The following RRAGD variants were observed in gnomAD, a reference collection of about 807,000 sequenced individuals.
The protein encoded by RRAGD is Ras related GTP binding D, also known as ras-related GTP-binding protein D.
RRAGD carries 12 observed loss-of-function variants against 35.5 expected under a neutral mutation model. That is an observed-to-expected ratio of 0.34 (90% CI 0.22 to 0.55). RRAGD has a LOEUF of 0.55. Ranked by LOEUF, RRAGD falls within the 20% of genes least tolerant of loss-of-function variation. The pLI is 0.91. For missense variants in RRAGD, 324 were observed against 490.1 expected (o/e 0.66, Z 3.20); for synonymous variants, 155 against 178.9 (o/e 0.87, Z 1.07).
In RRAGD at chr6:89,405,151, T is replaced by C. The variant is rs113463670; in HGVS notation, c.148+6695A>G. ...GGATCACGAGGTCAGGAGATCGAGA[T>C]CATCCTGGCTAACACGGTGAAAACC... On this transcript the variant is annotated intron_variant, in intron 1 of 6. Transcript: ENST00000369415. Among the ~76,000 whole-genome samples, 380 of 151,670 alleles carry C rather than the reference T, an allele frequency of 2.5e-3. 1 individual carries two copies. The highest frequency in any genetic ancestry group is 8.6e-3 in the African/African-American group (354 of 41,354).
intron 1 of RRAGD, among the ~76,000 whole-genome samples, chr6:89,407,366 G>A (rs756233416): frequency 8.5e-5 from 13 of 152,180 alleles, no homozygotes; most frequent in South Asian, 2.1e-4. Flanking sequence ...GGCCGGGCGC[G>A]GTGGCTCATG....
At chr6:89,402,919 A>G (rs974226253) in intron 1 of RRAGD, among the ~76,000 whole-genome samples, 4 of 152,138 alleles carry the variant, frequency 2.6e-5, no homozygotes, top group Middle Eastern at 3.4e-3. Flanking sequence ...TTTACTGACC[A>G]CCTACATAGC....
At chr6:89,389,283 G>A (rs961080047) in intron 1 of RRAGD, among the ~76,000 whole-genome samples, 16 of 152,076 alleles carry the variant, frequency 1.1e-4, no homozygotes, top group Non-Finnish European at 1.6e-4. Flanking sequence ...TGGGCCGGGC[G>A]CATGGCTCAC....
At chr6:89,382,885 A>T (rs528920004) in intron 2 of RRAGD, among the ~76,000 whole-genome samples, 24 of 141,656 alleles carry the variant, frequency 1.7e-4, no homozygotes, top group African/African-American at 6.0e-4. Context: ...CAAAAAAAAT[A>T]AAAAAAAAAA....
chr6:89,392,953 A>G (rs1377758296), intron 1 of RRAGD, among the ~76,000 whole-genome samples: 1 of 152,220 alleles, frequency 6.6e-6, no homozygotes, highest in Non-Finnish European at 1.5e-5. Flanking sequence ...TGTGGAAGCA[A>G]ATGGCCCAAA....
chr6:89,377,748 A>G lies in RRAGD; in HGVS notation c.825T>C (p.Ser275=). 6.2e-7 allele frequency: 1 copy of G among 1,611,754 alleles called. No homozygotes were observed. Among genetic ancestry groups the G allele is most frequent in the Non-Finnish European group, 8.5e-7 (1 of 1,178,656 alleles). Reference sequence around the variant, plus strand: ...CATAGGTTTGCATATCCACCGGAGTACTATCAGTTGCAATATAAATTTTAC... The same window carrying G: ...CATAGGTTTGCATATCCACCGGAGTGCTATCAGTTGCAATATAAATTTTAC... ...VVSKIYIATD[S]TPVDMQTYEL... is the part of the protein sequence containing the mutation. Residue 275 remains serine (S), a synonymous_variant, in exon 5 of 7, where the codon AGT becomes AGC. Transcript: ENST00000369415.
chr6:89,371,022 C>T (rs759662730), intron 6 of RRAGD, among the ~76,000 whole-genome samples: 7 of 150,748 alleles, frequency 4.6e-5, no homozygotes, highest in Admixed American at 1.3e-4. Flanking sequence ...TCATGATATA[C>T]GTAAGTGAAA....
Position 89,367,747 on chromosome 6 carries a change from A to C in RRAGD, c.*309T>G, listed in dbSNP as rs370296592. On this transcript the variant is annotated 3_prime_UTR_variant, in exon 7 of 7. Coordinates refer to ENST00000369415, the MANE Select transcript of RRAGD (RefSeq NM_021244.5). Reference sequence around the variant, plus strand: ...AGTTCAGTTCAATGAGAAACATGAAAAAGTGCAAAATATGTACAATTCCTG... The same window carrying C: ...AGTTCAGTTCAATGAGAAACATGAACAAGTGCAAAATATGTACAATTCCTG... The C allele has an allele frequency of 8.1e-6, 2 of 247,800 alleles. No individual in the cohort carries two copies. Among genetic ancestry groups the C allele is most frequent in the Non-Finnish European group, 1.5e-5 (2 of 131,552 alleles). The allele number at this position is 247,800 out of a possible 1,614,324, so 15.4% of individuals were successfully genotyped here.
chr6:89,403,633 T>C (rs1208315102), intron 1 of RRAGD, among the ~76,000 whole-genome samples: 2 of 146,016 alleles, frequency 1.4e-5, no homozygotes, highest in African/African-American at 2.5e-5. Flanking sequence ...TTTTCTTTTT[T>C]TTTTTTTTTT....
At position 89,379,116 on chromosome 6, in the gene RRAGD, A is replaced by G. The variant is rs572015579; in HGVS notation, c.759+108T>C. 2.5e-4 allele frequency: 141 copies of G among 569,260 alleles called. 3 individuals carry two copies. In the South Asian group the frequency reaches 3.3e-3, roughly 13 times the overall value. 35.3% of individuals were successfully genotyped at this position (569,260 alleles called of 1,614,324 possible). ...GAGTAATCTTTAAAAGTAATACTTAAATGACCTTGAAATGCTATAGAAGCA... is the reference window on the plus strand; with the variant it reads ...GAGTAATCTTTAAAAGTAATACTTAGATGACCTTGAAATGCTATAGAAGCA... On this transcript the variant is annotated intron_variant, in intron 4 of 6. Coordinates refer to ENST00000369415, the MANE Select transcript of RRAGD (RefSeq NM_021244.5).
chr6:89,411,677 C>T lies in RRAGD; in HGVS notation c.148+169G>A, dbSNP rs1293602182. ...ACCAGCACCGCGCTCCCTCATTTGG[C>T]AGCTCGAGGTCGGGCTTTTGGCGTC... On this transcript the variant is annotated intron_variant, in intron 1 of 6. Transcript: ENST00000369415. The surrounding 1 kb of genome is among the most constrained non-coding windows in gnomAD (Gnocchi z 5.6). Among the ~76,000 whole-genome samples, 1 of 152,222 alleles carries T rather than the reference C, an allele frequency of 6.6e-6. No homozygotes were observed.
At chr6:89,397,531 GA>G (rs1769361384) in intron 1 of RRAGD, among the ~76,000 whole-genome samples, 1 of 151,838 alleles carries the variant, frequency 6.6e-6, no homozygotes, top group African/African-American at 2.4e-5. Context: ...GTGAACCCGG[GA>G]GGCGGAGCTT....
At chr6:89,373,232 C>T (rs1211557452) in intron 5 of RRAGD, among the ~76,000 whole-genome samples, 1 of 152,168 alleles carries the variant, frequency 6.6e-6, no homozygotes, top group Admixed American at 6.5e-5. Context: ...ACTGATGAAT[C>T]CCAGTGAAGA....
intron 1 of RRAGD, among the ~76,000 whole-genome samples, chr6:89,406,925 A>C (rs1769591710): frequency 6.6e-6 from 1 of 152,228 alleles, no homozygotes. Flanking sequence ...AGAGCACTTA[A>C]GAATCTAGCC....
At chr6:89,405,157 T>C (rs1309481196) in intron 1 of RRAGD, among the ~76,000 whole-genome samples, 1 of 151,978 alleles carries the variant, frequency 6.6e-6, no homozygotes, top group Non-Finnish European at 1.5e-5. Context: ...GAGATCATCC[T>C]GGCTAACACG....
intron 2 of RRAGD, among the ~76,000 whole-genome samples, chr6:89,383,447 T>C (rs1769084032): frequency 6.6e-6 from 1 of 152,242 alleles, no homozygotes; most frequent in Admixed American, 6.5e-5. Flanking sequence ...CAGGTGATTT[T>C]TCCCATCGTT....
Position 89,372,754 on chromosome 6 carries a change from C to T in RRAGD, c.903-169G>A, listed in dbSNP as rs1040701064. Among the ~76,000 whole-genome samples, 16 of 152,234 alleles carry T rather than the reference C, an allele frequency of 1.1e-4. No individual in the cohort carries two copies. The East Asian group carries it at 3.1e-3, about 29-fold the overall frequency. ...AGAAACACACAGGCACAAAAACATA[C>T]ACAGTCCTCAACAGTCATTTCCTAC... On this transcript the variant is annotated intron_variant, in intron 5 of 6. Coordinates refer to ENST00000369415, the MANE Select transcript of RRAGD (RefSeq NM_021244.5).
intron 4 of RRAGD, among the ~76,000 whole-genome samples, chr6:89,378,506 G>A (rs1294372027): frequency 2.0e-5 from 3 of 152,202 alleles, no homozygotes. Flanking sequence ...GTAAACGTGA[G>A]TATAACCAAT....
chr6:89,401,986 T>C (rs780020177), intron 1 of RRAGD, among the ~76,000 whole-genome samples: 36 of 147,086 alleles, frequency 2.4e-4, no homozygotes, highest in Non-Finnish European at 4.4e-4. Context: ...CTCAGGAGGG[T>C]GATACTGGGA....
Sources: gnomAD v4.1 joint callset for allele counts (sites outside exome capture counted in the v4.1 genomes callset) on GRCh38, gnomAD v4.1.1 for gene constraint, Gnocchi (gnomAD v3.1) non-coding constraint, MANE v1.5 for transcripts, NCBI Gene and HGNC (gene_info 2026-07-23, HGNC 2026-07-21) for gene names.